The following EYS variants were observed in gnomAD, a reference collection of about 807,000 sequenced individuals.
EYS encodes the protein EGF-like photoreceptor maintenance factor.
A neutral mutation model predicts 282.1 loss-of-function variants in EYS; 250 were observed. The observed-to-expected ratio is 0.89, with a 90% CI of 0.80 to 0.98. The LOEUF (loss-of-function observed/expected upper bound fraction) is 0.98, where lower values mean the gene tolerates loss of function less well. EYS is among the 50% of genes least tolerant of loss of function. The probability of loss-of-function intolerance (pLI) is 0.00; values close to 1 mark genes in which losing one functional copy is unlikely to be tolerated. For synonymous variants in EYS, 1,355 were observed against 1,282.9 expected (o/e 1.06, Z -1.20); for missense variants, 4,016 against 3,709.0 (o/e 1.08, Z -2.15).
intron 29 of EYS, among the ~76,000 whole-genome samples, chr6:64,327,592 T>C (rs1770476155): frequency 2.0e-5 from 3 of 152,074 alleles, no homozygotes; most frequent in South Asian, 2.1e-4. Context: ...ATATATTGAC[T>C]CCTGGCTAAG....
chr6:64,064,458 A>G (rs1371051832), intron 33 of EYS, among the ~76,000 whole-genome samples: 1 of 152,230 alleles, frequency 6.6e-6, no homozygotes, highest in African/African-American at 2.4e-5. Context: ...TCCTAGGGTC[A>G]GCCTACTCTC....
chr6:64,466,029 A>G (rs1202308864), intron 26 of EYS, among the ~76,000 whole-genome samples: 1 of 152,132 alleles, frequency 6.6e-6, no homozygotes, highest in Non-Finnish European at 1.5e-5. Flanking sequence ...GTAGAAAAAC[A>G]TAAATTGAAA....
At chr6:65,504,994 C>A (rs752461190) in intron 2 of EYS, among the ~76,000 whole-genome samples, 11 of 151,884 alleles carry the variant, frequency 7.2e-5, no homozygotes, top group African/African-American at 1.9e-4. Flanking sequence ...GGCATCATTT[C>A]TTTCTTTCAC....
chr6:65,014,968 A>G (rs1771995524), intron 13 of EYS, among the ~76,000 whole-genome samples: 1 of 152,152 alleles, frequency 6.6e-6, no homozygotes, highest in Non-Finnish European at 1.5e-5. Flanking sequence ...AGAAGTTTAA[A>G]GGAGGAAGGT....
At chr6:64,564,171 T>C (rs1765486904) in intron 26 of EYS, among the ~76,000 whole-genome samples, 1 of 151,622 alleles carries the variant, frequency 6.6e-6, no homozygotes, top group South Asian at 2.1e-4. Flanking sequence ...GGAACCTCCA[T>C]ACTGTTGGTC....
At chr6:64,361,780 G>A (rs1200319184) in intron 29 of EYS, among the ~76,000 whole-genome samples, 1 of 151,582 alleles carries the variant, frequency 6.6e-6, no homozygotes, top group African/African-American at 2.4e-5. Flanking sequence ...GTTTCAATGT[G>A]AGAGTTAGAT....
At chr6:65,313,805 A>G (rs1562090521) in intron 11 of EYS, among the ~76,000 whole-genome samples, 1 of 152,132 alleles carries the variant, frequency 6.6e-6, no homozygotes, top group Non-Finnish European at 1.5e-5. Context: ...TACTCAATGT[A>G]GCAGTCAAAG....
intron 12 of EYS, among the ~76,000 whole-genome samples, chr6:65,134,575 G>A (rs770472028): frequency 6.6e-5 from 10 of 151,930 alleles, no homozygotes; most frequent in Non-Finnish European, 8.8e-5. Context: ...AGAGGAAGAC[G>A]GAAACAACAG....
chr6:64,155,692 T>TGG (rs1050632674), intron 31 of EYS, among the ~76,000 whole-genome samples: 10 of 152,174 alleles, frequency 6.6e-5, no homozygotes, highest in African/African-American at 2.4e-4. Context: ...GGTTCTGGTT[T>TGG]GGGGTAAGGC....
chr6:64,513,799 G>C (rs1166806579), intron 26 of EYS, among the ~76,000 whole-genome samples: 2 of 151,798 alleles, frequency 1.3e-5, no homozygotes, highest in African/African-American at 4.8e-5. Flanking sequence ...TGATTAACAT[G>C]AAGAAAAATT....
intron 12 of EYS, among the ~76,000 whole-genome samples, chr6:65,068,271 T>A (rs937173990): frequency 6.6e-6 from 1 of 152,108 alleles, no homozygotes; most frequent in Admixed American, 6.6e-5. Flanking sequence ...GGAAATCCAT[T>A]TCACATCAGT....
chr6:64,871,755 A>G (rs920689285), intron 19 of EYS, among the ~76,000 whole-genome samples: 5 of 152,044 alleles, frequency 3.3e-5, no homozygotes, highest in African/African-American at 1.2e-4. Flanking sequence ...GATTTGTTTT[A>G]TTCCTCTTGA....
intron 12 of EYS, among the ~76,000 whole-genome samples, chr6:65,258,391 G>A (rs190757669): frequency 2.0e-5 from 3 of 152,100 alleles, no homozygotes; most frequent in African/African-American, 7.2e-5. Flanking sequence ...GAGAAAATCT[G>A]CATTGTATAT....
intron 26 of EYS, among the ~76,000 whole-genome samples, chr6:64,560,906 C>T (rs188777302): frequency 1.3e-5 from 2 of 152,086 alleles, no homozygotes; most frequent in East Asian, 3.9e-4. Context: ...AACTTCAGGC[C>T]AGTATTTTTG....
chr6:65,518,465 C>T (rs1034335783), intron 2 of EYS, among the ~76,000 whole-genome samples: 2 of 151,998 alleles, frequency 1.3e-5, no homozygotes, highest in African/African-American at 2.4e-5. Flanking sequence ...TTTCCATGAA[C>T]ATTAAAGAAG....
At chr6:64,863,782 A>G (rs1766324805) in intron 19 of EYS, among the ~76,000 whole-genome samples, 1 of 152,172 alleles carries the variant, frequency 6.6e-6, no homozygotes, top group Admixed American at 6.5e-5. Flanking sequence ...ACCCTTATAG[A>G]ATGTTGTCTA....
chr6:64,796,427 G>A (rs941218740), intron 22 of EYS, among the ~76,000 whole-genome samples: 1 of 152,126 alleles, frequency 6.6e-6, no homozygotes, highest in African/African-American at 2.4e-5. Flanking sequence ...TAAGGGGAGA[G>A]GATATAAGAC....
At chr6:64,805,097 G>A (rs1583176120) in intron 22 of EYS, among the ~76,000 whole-genome samples, 1 of 152,010 alleles carries the variant, frequency 6.6e-6, no homozygotes, top group African/African-American at 2.4e-5. Context: ...AAATCAATTA[G>A]TTGCCTAAAA....
intron 40 of EYS, among the ~76,000 whole-genome samples, chr6:63,767,966 C>T (rs1332193319): frequency 1.3e-5 from 2 of 152,064 alleles, no homozygotes; most frequent in Non-Finnish European, 2.9e-5. Context: ...TGATAACAAG[C>T]ACTGGGGAAA....
Sources: gnomAD v4.1 joint callset for allele counts (sites outside exome capture counted in the v4.1 genomes callset) on GRCh38, gnomAD v4.1.1 for gene constraint, MANE v1.5 for transcripts, NCBI Gene and HGNC (gene_info 2026-07-23, HGNC 2026-07-21) for gene names.